Variants in TRIM49B observed in about 807,000 individuals in gnomAD.
TRIM49B encodes the protein putative tripartite motif-containing protein 49B.
TRIM49B carries 18 observed loss-of-function variants against 31.8 expected under a neutral mutation model. The observed-to-expected ratio is 0.57, with a 90% CI of 0.39 to 0.84. The LOEUF is 0.84. TRIM49B is among the 40% of genes least tolerant of loss of function. The pLI, the probability that TRIM49B is intolerant of heterozygous loss-of-function variation, is 0.00. For missense variants in TRIM49B, 494 were observed against 538.7 expected (o/e 0.92, Z 0.82); for synonymous variants, 196 against 180.6 (o/e 1.09, Z -0.68).
At position 49,031,558 on chromosome 11, in the gene TRIM49B, C is replaced by G. The variant is rs765293570; in HGVS notation, c.-4-38C>G. The G allele has an allele frequency of 1.9e-6, 3 of 1,608,446 alleles. No homozygotes were observed. The South Asian group carries it at 3.3e-5, about 18-fold the overall frequency. Reference sequence around the variant, plus strand: ...ACATGTTTAGAAGCTTTTCATCAACCCAGGCCCCAAAATGACATGTTTCTC... The same window carrying G: ...ACATGTTTAGAAGCTTTTCATCAACGCAGGCCCCAAAATGACATGTTTCTC... On this transcript the variant is annotated intron_variant, in intron 1 of 6. Transcript: ENST00000332682.
At position 49,038,006 on chromosome 11, in the gene TRIM49B, T is replaced by C; in HGVS notation, c.*29T>C. The stretch of plus-strand genomic sequence containing the variant: ...GAGACAAATCAGAAATGTGTTCACA[T>C]GCTGTGGGAACCCCTTTATCCCAGG... On this transcript the variant is annotated 3_prime_UTR_variant, in exon 7 of 7. Transcript: ENST00000332682. 8 of 1,592,606 alleles carry C rather than the reference T, an allele frequency of 5.0e-6. No individual in the cohort carries two copies. The highest frequency in any genetic ancestry group is 6.8e-6 in the Non-Finnish European group (8 of 1,170,822).
intron 5 of TRIM49B, among the ~76,000 whole-genome samples, chr11:49,035,490 C>T (rs1234118779): frequency 6.6e-6 from 1 of 151,192 alleles, no homozygotes; most frequent in African/African-American, 2.4e-5. Context: ...CTCCCGAGTA[C>T]CGGGGACTAC....
chr11:49,034,227 A>G lies in TRIM49B; in HGVS notation c.589A>G (p.Asn197Asp), dbSNP rs774285027. 6.2e-7 allele frequency: 1 copy of G among 1,611,976 alleles called. No individual in the cohort carries two copies. Residue 197 changes from asparagine (N) to aspartate (D), a missense_variant, in exon 4 of 7, where the codon AAT becomes GAT. By Grantham distance (23) the Asn-to-Asp change is conservative. This residue lies in a region of TRIM49B where 251 missense variants were observed against 232.8 expected (regional missense o/e 1.08). Coordinates refer to ENST00000332682, the MANE Select transcript of TRIM49B (RefSeq NM_001206626.2). Reference protein sequence around the residue: ...PAFHHEEEKHNLEMLKKKGKD... With the variant: ...PAFHHEEEKHDLEMLKKKGKD... ...ATTTCACCATGAAGAAGAAAAACAT[A>G]ATTTGGAGATGCTGAAAAAGAAGGG...
chr11:49,030,260 C>T lies in TRIM49B; in HGVS notation c.-5+1285C>T, dbSNP rs542145465. Among the ~76,000 whole-genome samples, 3 of 152,174 alleles carry T rather than the reference C, an allele frequency of 2.0e-5. No homozygotes were observed. In the East Asian group the frequency reaches 5.8e-4, roughly 29 times the overall value. ...CCTGATGCAGGAGAATCACTCTGAA[C>T]CTGGAGGCGCAGGTTACAGTGAGCC... On this transcript the variant is annotated intron_variant, in intron 1 of 6. Coordinates refer to ENST00000332682, the MANE Select transcript of TRIM49B (RefSeq NM_001206626.2).
At position 49,035,867 on chromosome 11, in the gene TRIM49B, C is replaced by T. The variant is rs146444191; in HGVS notation, c.762-434C>T. Among the ~76,000 whole-genome samples, 934 of 152,148 alleles carry T rather than the reference C, an allele frequency of 6.1e-3. 14 individuals carry two copies. Among genetic ancestry groups the T allele is most frequent in the African/African-American group, 0.022 (895 of 41,506 alleles). Reference sequence around the variant, plus strand: ...ATCGAAAAAAACTGGAGTGTTAGAACTGTATAAGTCTCTAGGGAAGTTCTT... The same window carrying T: ...ATCGAAAAAAACTGGAGTGTTAGAATTGTATAAGTCTCTAGGGAAGTTCTT... On this transcript the variant is annotated intron_variant, in intron 5 of 6. Coordinates refer to ENST00000332682, the MANE Select transcript of TRIM49B (RefSeq NM_001206626.2).
At chr11:49,034,935 G>T (rs1375506431) in intron 4 of TRIM49B, among the ~76,000 whole-genome samples, 160 bp from the exon 5 acceptor site, 1 of 152,138 alleles carries the variant, frequency 6.6e-6, no homozygotes, top group East Asian at 1.9e-4. Flanking sequence ...AACTGACTGG[G>T]TTTTTCATTA....
chr11:49,029,044 AT>A (rs925700949), intron 1 of TRIM49B, 69 bp downstream of exon 1: 1 of 145,586 alleles, frequency 6.9e-6, no homozygotes, highest in Non-Finnish European at 1.5e-5. Flanking sequence ...AGTGTTAAAA[AT>A]ATCTCATTAT....
chr11:49,037,284 G>GCT (rs1565093393), intron 6 of TRIM49B, among the ~76,000 whole-genome samples, 194 bp from the exon 7 acceptor site: 2 of 151,554 alleles, frequency 1.3e-5, no homozygotes, highest in African/African-American at 4.8e-5. Flanking sequence ...CAATATGTAA[G>GCT]TTTTCAAAAA....
chr11:49,029,439 C>T (rs1328545975), intron 1 of TRIM49B, among the ~76,000 whole-genome samples: 2 of 152,116 alleles, frequency 1.3e-5, no homozygotes, highest in South Asian at 2.1e-4. Flanking sequence ...CCAAAATATC[C>T]TACTTTAGAA....
intron 1 of TRIM49B, among the ~76,000 whole-genome samples, chr11:49,030,390 T>C (rs1470261754): frequency 6.6e-6 from 1 of 152,088 alleles, no homozygotes; most frequent in Non-Finnish European, 1.5e-5. Flanking sequence ...TCTCAGAACA[T>C]ACATCTGTCC....
intron 5 of TRIM49B, 118 bp downstream of exon 5, chr11:49,035,235 T>G (rs922581266): frequency 2.1e-6 from 3 of 1,412,002 alleles, no homozygotes; most frequent in Non-Finnish European, 2.8e-6. Context: ...TTGATACCAC[T>G]TTTTTTTTGC....
chr11:49,033,171 A>G (rs1438132872), intron 3 of TRIM49B, among the ~76,000 whole-genome samples: 4 of 152,216 alleles, frequency 2.6e-5, no homozygotes, highest in Non-Finnish European at 5.9e-5. Context: ...CACAAATCAT[A>G]CAATCCAAAT....
At position 49,031,833 on chromosome 11, in the gene TRIM49B, A is replaced by G; in HGVS notation, c.234A>G (p.Arg78=). 6.2e-7 allele frequency: 1 copy of G among 1,613,972 alleles called. No individual in the cohort carries two copies. The highest frequency in any genetic ancestry group is 8.5e-7 in the Non-Finnish European group (1 of 1,179,870). The part of the protein sequence containing the change: ...IHFKKMASLA[R]KVSLWLFLSS... ...TCAAGAAGATGGCTTCTCTTGCTAG[A>G]AAAGTCAGTCTCTGGCTATTCCTGA... The change falls in exon 2 of 7, where the codon AGA becomes AGG. Residue 78 remains arginine (R), a synonymous_variant. Coordinates refer to ENST00000332682, the MANE Select transcript of TRIM49B (RefSeq NM_001206626.2).
At chr11:49,033,475 ATATGTATG>A (rs5791864) in intron 3 of TRIM49B, among the ~76,000 whole-genome samples, 6 of 148,864 alleles carry the variant, frequency 4.0e-5, no homozygotes, top group African/African-American at 9.8e-5. Context: ...GTATATATAT[ATATGTATG>A]TATGTATGTA....
chr11:49,033,098 G>C (rs1453182186), intron 3 of TRIM49B, among the ~76,000 whole-genome samples: 7 of 152,142 alleles, frequency 4.6e-5, no homozygotes, highest in Non-Finnish European at 7.3e-5. Flanking sequence ...TGAGAACCTA[G>C]TCTACGTTGA....
At chr11:49,030,930 CT>C (rs1366477701) in intron 1 of TRIM49B, among the ~76,000 whole-genome samples, 1 of 151,566 alleles carries the variant, frequency 6.6e-6, no homozygotes, top group Non-Finnish European at 1.5e-5. Context: ...AATAATTTTT[CT>C]TTTCCCTACT....
chr11:49,029,745 G>A (rs1285203234), intron 1 of TRIM49B, among the ~76,000 whole-genome samples: 1 of 152,204 alleles, frequency 6.6e-6, no homozygotes, highest in African/African-American at 2.4e-5. Context: ...ACCATAGGAT[G>A]TATACGTATA....
chr11:49,029,429 C>A (rs1389567067), intron 1 of TRIM49B, among the ~76,000 whole-genome samples: 2 of 152,044 alleles, frequency 1.3e-5, no homozygotes, highest in Admixed American at 6.6e-5. Flanking sequence ...AGAAAGCTCC[C>A]CAAAATATCC....
rs1159621256 is a variant in TRIM49B at position 49,031,854 on chromosome 11, C to T, written c.255C>T (p.Phe85=). 3 of 1,613,774 alleles carry T rather than the reference C, an allele frequency of 1.9e-6. No individual in the cohort carries two copies. Among genetic ancestry groups the T allele is most frequent in the South Asian group, 1.1e-5 (1 of 91,072 alleles). Residue 85 remains phenylalanine (F), a synonymous_variant, in exon 2 of 7, where the codon TTC becomes TTT. Coordinates refer to ENST00000332682, the MANE Select transcript of TRIM49B (RefSeq NM_001206626.2). ...SLARKVSLWL[F]LSSEEQMCGT... is the part of the protein sequence containing the mutation. ...CTAGAAAAGTCAGTCTCTGGCTATTCCTGAGCTCTGAGGAGCAAATGTGTG... is the reference window on the plus strand; with the variant it reads ...CTAGAAAAGTCAGTCTCTGGCTATTTCTGAGCTCTGAGGAGCAAATGTGTG...
Sources: allele counts gnomAD v4.1 joint callset (sites outside exome capture counted in the v4.1 genomes callset), GRCh38; gene constraint gnomAD v4.1.1; regional missense constraint gnomAD v4.1.1; transcripts MANE v1.5; gene names NCBI Gene and HGNC (gene_info 2026-07-23, HGNC 2026-07-21).